Variants in COBLL1 observed in about 807,000 individuals in gnomAD.
The protein encoded by COBLL1 is cordon-bleu protein-like 1.
In COBLL1, 50 loss-of-function variants were observed where a neutral mutation model predicts 94.8. That is an observed-to-expected ratio of 0.53 (90% CI 0.42 to 0.67). The LOEUF (loss-of-function observed/expected upper bound fraction) is 0.67, where lower values mean the gene tolerates loss of function less well. Among genes scored for constraint, COBLL1 ranks in the 30% least tolerant of loss-of-function variants. The pLI, the probability that COBLL1 is intolerant of heterozygous loss-of-function variation, is 0.00. For missense variants in COBLL1, 1,362 were observed against 1,348.7 expected (o/e 1.01, Z -0.15); for synonymous variants, 448 against 473.8 (o/e 0.95, Z 0.71).
At chr2:164,689,210 C>T (rs78169945) in intron 13 of COBLL1, among the ~76,000 whole-genome samples, 26 of 151,998 alleles carry the variant, frequency 1.7e-4, no homozygotes, top group African/African-American at 6.3e-4. Flanking sequence ...CTAGAGCAAT[C>T]AACTAGATAA....
intron 2 of COBLL1, among the ~76,000 whole-genome samples, chr2:164,811,005 G>A (rs1453885712): frequency 6.6e-6 from 1 of 151,768 alleles, no homozygotes; most frequent in Non-Finnish European, 1.5e-5. Context: ...TTGAAAGAAA[G>A]CCCCAGGAAC....
intron 7 of COBLL1, among the ~76,000 whole-genome samples, chr2:164,717,160 A>G (rs1672676230): frequency 6.6e-6 from 1 of 151,918 alleles, no homozygotes; most frequent in Non-Finnish European, 1.5e-5. Flanking sequence ...TGCTTTGGAG[A>G]AAAAAAATGG....
At chr2:164,774,153 AG>A (rs1459090268) in intron 2 of COBLL1, among the ~76,000 whole-genome samples, 29 of 152,188 alleles carry the variant, frequency 1.9e-4, no homozygotes, top group African/African-American at 6.8e-4. Flanking sequence ...AATTACTTGT[AG>A]GATGATAGTT....
At chr2:164,796,991 G>A (rs915693820) in intron 2 of COBLL1, among the ~76,000 whole-genome samples, 1 of 152,068 alleles carries the variant, frequency 6.6e-6, no homozygotes, top group African/African-American at 2.4e-5. Context: ...AATTTTTAAA[G>A]AGAAGAGAAA....
chr2:164,771,050 ACT>A (rs1327976885), intron 2 of COBLL1, among the ~76,000 whole-genome samples: 1 of 152,004 alleles, frequency 6.6e-6, no homozygotes, highest in African/African-American at 2.4e-5. Context: ...CACTTATGTT[ACT>A]CTTACAATAT....
At position 164,717,384 on chromosome 2, in the gene COBLL1, A is replaced by C. The variant is rs547653333; in HGVS notation, c.996+4691T>G. ...TTTTACATTTTCAAATTGAAAACTA[A>C]ATTGTTAAAATAGATACAAACGTTT... On this transcript the variant is annotated intron_variant, in intron 7 of 13. Transcript: ENST00000652658. Among the ~76,000 whole-genome samples the C allele has an allele frequency of 4.6e-5, 7 of 152,328 alleles. No individual in the cohort carries two copies. The South Asian group carries it at 1.4e-3, about 32-fold the overall frequency.
intron 2 of COBLL1, chr2:164,761,558 G>A (rs1375697037): frequency 6.6e-6 from 1 of 152,026 alleles, no homozygotes; most frequent in Non-Finnish European, 1.5e-5. Context: ...GAAAACAAAG[G>A]TGTGTAGAGA....
intron 2 of COBLL1, among the ~76,000 whole-genome samples, chr2:164,748,022 C>G (rs1686955106): frequency 6.6e-6 from 1 of 151,936 alleles, no homozygotes. Context: ...CAGCTGAGAC[C>G]AGCTGTGTGT....
At chr2:164,725,053 A>G (rs188994103) in intron 5 of COBLL1, 20 of 144,648 alleles carry the variant, frequency 1.4e-4, no homozygotes, top group African/African-American at 5.0e-4. Flanking sequence ...AAAAGTTATC[A>G]CTCTGAGCCC....
At chr2:164,761,369 T>TG (rs1162024396) in intron 2 of COBLL1, 2 of 152,020 alleles carry the variant, frequency 1.3e-5, no homozygotes, top group Non-Finnish European at 2.9e-5. Flanking sequence ...GCTCGCATCA[T>TG]TGCACTCGAG....
chr2:164,804,679 C>G (rs1683997801), intron 2 of COBLL1, among the ~76,000 whole-genome samples: 1 of 152,104 alleles, frequency 6.6e-6, no homozygotes, highest in Admixed American at 6.5e-5. Flanking sequence ...CAATGTACAG[C>G]TTCTTTGCAA....
At chr2:164,704,401 T>A in intron 9 of COBLL1, 43 bp downstream of exon 9, 1 of 1,249,474 alleles carries the variant, frequency 8.0e-7, no homozygotes, top group Non-Finnish European at 1.2e-6. Context: ...ATCATGGACG[T>A]CCTTTTTCAG....
intron 7 of COBLL1, among the ~76,000 whole-genome samples, chr2:164,715,178 G>A (rs894672135): frequency 3.3e-5 from 5 of 152,062 alleles, no homozygotes; most frequent in Non-Finnish European, 2.9e-5. Flanking sequence ...AACTACAGTG[G>A]CAAAGTATGT....
intron 13 of COBLL1, among the ~76,000 whole-genome samples, chr2:164,691,473 G>A (rs1463367536): frequency 1.3e-5 from 2 of 152,070 alleles, no homozygotes; most frequent in African/African-American, 4.8e-5. Context: ...TTCCAACCAG[G>A]AGAATTAAGG....
intron 2 of COBLL1, among the ~76,000 whole-genome samples, chr2:164,758,449 A>G (rs751635922): frequency 6.6e-6 from 1 of 152,172 alleles, no homozygotes; most frequent in Non-Finnish European, 1.5e-5. Flanking sequence ...CCCAAACCAC[A>G]AAACCATGTC....
intron 2 of COBLL1, among the ~76,000 whole-genome samples, chr2:164,840,122 T>A (rs1451302752): frequency 6.6e-6 from 1 of 152,202 alleles, no homozygotes; most frequent in African/African-American, 2.4e-5. Flanking sequence ...CAGGGAAAAA[T>A]GACTTCTACA....
intron 12 of COBLL1, chr2:164,692,840 T>C (rs1217430582): frequency 6.5e-6 from 1 of 153,194 alleles, no homozygotes. Context: ...GACAATGTCA[T>C]ATTTGTTGAA....
chr2:164,797,490 C>T (rs756659497), intron 2 of COBLL1, among the ~76,000 whole-genome samples: 1 of 151,828 alleles, frequency 6.6e-6, no homozygotes, highest in Non-Finnish European at 1.5e-5. Flanking sequence ...GAAAAAAAAA[C>T]CCTTAGGGTT....
At chr2:164,675,684 TTA>T (rs1336036447), downstream of COBLL1, among the ~76,000 whole-genome samples, 5 of 152,236 alleles carry the variant, frequency 3.3e-5, no homozygotes, top group South Asian at 1.0e-3. Flanking sequence ...ATTAAATGTC[TTA>T]TCTTAAATTT....
Sources: gnomAD v4.1 joint callset for allele counts (sites outside exome capture counted in the v4.1 genomes callset) on GRCh38, gnomAD v4.1.1 for gene constraint, MANE v1.5 for transcripts, NCBI Gene and HGNC (gene_info 2026-07-23, HGNC 2026-07-21) for gene names.